Variants in EHMT1 observed in about 807,000 individuals in gnomAD.
EHMT1 encodes the protein histone-lysine N-methyltransferase EHMT1.
In EHMT1, 15 loss-of-function variants were observed where a neutral mutation model predicts 147.2. That is an observed-to-expected ratio of 0.10 (90% confidence interval 0.07 to 0.16). EHMT1 has a LOEUF of 0.16. Ranked by LOEUF, EHMT1 falls within the 10% of genes least tolerant of loss-of-function variation. The probability of loss-of-function intolerance (pLI) is 1.00; values close to 1 mark genes in which losing one functional copy is unlikely to be tolerated. For missense variants in EHMT1, 1,587 were observed against 1,772.4 expected (o/e 0.90, Z 1.88); for synonymous variants, 795 against 709.6 (o/e 1.12, Z -1.91).
At chr9:137,728,248 G>A (rs1946802775) in intron 3 of EHMT1, 101 bp from the exon 4 acceptor site, 2 of 1,505,102 alleles carry the variant, frequency 1.3e-6, no homozygotes, top group Middle Eastern at 1.7e-4. Flanking sequence ...TCTTTCGGTT[G>A]TGGGGAATTA....
intron 2 of EHMT1, among the ~76,000 whole-genome samples, chr9:137,713,844 T>C (rs531997115): frequency 4.7e-4 from 72 of 151,926 alleles, no homozygotes; most frequent in African/African-American, 1.7e-3. Context: ...CAGCTACTCA[T>C]GAGGCTGAGG....
In EHMT1 at chr9:137,732,698, G is replaced by A. The variant is rs975387494; in HGVS notation, c.823+4169G>A. ...GCAGCCCGGTTTTCAGGCTTCAGGC[G>A]GCCTTTGGCTTGAAGGTCAGGTTTC... On this transcript the variant is annotated intron_variant, in intron 4 of 26. Coordinates refer to ENST00000460843, the MANE Select transcript of EHMT1 (RefSeq NM_024757.5). The surrounding 1 kb of genome is among the most constrained non-coding windows in gnomAD (Gnocchi z 4.6). 6.6e-6 allele frequency among the ~76,000 whole-genome samples: 1 copy of A among 152,150 alleles called. No individual in the cohort carries two copies. Among genetic ancestry groups the A allele is most frequent in the East Asian group, 1.9e-4 (1 of 5,188 alleles).
chr9:137,752,275 T>G, intron 6 of EHMT1, 56 bp from the exon 7 acceptor site: 1 of 1,578,236 alleles, frequency 6.3e-7, no homozygotes, highest in Non-Finnish European at 8.7e-7. Context: ...CACTAAAGGA[T>G]GTAATTGGTT....
At chr9:137,653,755 C>T (rs932178966) in intron 1 of EHMT1, among the ~76,000 whole-genome samples, 7 of 151,968 alleles carry the variant, frequency 4.6e-5, no homozygotes, top group African/African-American at 7.2e-5. Context: ...CTTGAACTCC[C>T]GACCCTGATC....
At chr9:137,760,597 G>C (rs1949727225) in intron 9 of EHMT1, among the ~76,000 whole-genome samples, 1 of 152,194 alleles carries the variant, frequency 6.6e-6, no homozygotes, top group Non-Finnish European at 1.5e-5. Flanking sequence ...GACCGTTCAC[G>C]TGCTTTTTGG....
rs530581828 is a variant in EHMT1, at chr9:137,794,527, G to A, written c.2505+3557G>A. ...CTGGGCGTGGTGGCACGTGCCTGTA[G>A]TCATAGCCCCTTGGGAGGCTGAGGC... is the stretch of plus-strand genomic sequence containing the variant. On this transcript the variant is annotated intron_variant, in intron 16 of 26. Coordinates refer to ENST00000460843, the MANE Select transcript of EHMT1 (RefSeq NM_024757.5). Among the ~76,000 whole-genome samples, 13 of 151,940 alleles carry A rather than the reference G, an allele frequency of 8.6e-5. No individual in the cohort carries two copies. In the South Asian group the frequency reaches 2.3e-3, roughly 27 times the overall value.
At chr9:137,737,505 A>G (rs1303121313) in intron 4 of EHMT1, among the ~76,000 whole-genome samples, 1 of 152,222 alleles carries the variant, frequency 6.6e-6, no homozygotes, top group Non-Finnish European at 1.5e-5. Flanking sequence ...TGCAGAAGTT[A>G]GCCTAAGACA....
intron 1 of EHMT1, among the ~76,000 whole-genome samples, chr9:137,680,608 T>C (rs1470541618): frequency 6.6e-6 from 1 of 152,262 alleles, no homozygotes; most frequent in Non-Finnish European, 1.5e-5. Flanking sequence ...TTTTCATCAG[T>C]ACTGTTTGTC....
rs750510906 is a variant in EHMT1, at chr9:137,834,821, C to G, written c.3765C>G (p.Ser1255Arg). Residue 1255 changes from serine to arginine, a missense_variant, in exon 27 of 27, where the codon AGC becomes AGG. Physicochemically the swap from Ser to Arg is moderately radical, Grantham distance 110 (BLOSUM62 -1). Coordinates refer to ENST00000460843, the MANE Select transcript of EHMT1 (RefSeq NM_024757.5). ...RFWDIKGKLFSCRCGSPKCRH... is the reference protein window; with the variant it reads ...RFWDIKGKLFRCRCGSPKCRH... Reference sequence around the variant, plus strand: ...GGGACATCAAAGGCAAGCTCTTCAGCTGCCGCTGCGGCTCCCCCAAGTGCC... The same window carrying G: ...GGGACATCAAAGGCAAGCTCTTCAGGTGCCGCTGCGGCTCCCCCAAGTGCC... 14 of 1,612,614 alleles carry G rather than the reference C, an allele frequency of 8.7e-6. No individual in the cohort carries two copies. Among genetic ancestry groups the G allele is most frequent in the Middle Eastern group, 1.7e-4 (1 of 5,956 alleles).
At chr9:137,701,625 A>ATTTTTTTT (rs139537570) in intron 1 of EHMT1, among the ~76,000 whole-genome samples, 2 of 115,660 alleles carry the variant, frequency 1.7e-5, no homozygotes, top group African/African-American at 7.1e-5. Flanking sequence ...TGCCTGGCTA[A>ATTTTTTTT]TTTTTTTTTT....
intron 1 of EHMT1, among the ~76,000 whole-genome samples, chr9:137,694,936 C>T (rs896978796): frequency 2.0e-5 from 3 of 152,312 alleles, no homozygotes; most frequent in South Asian, 4.1e-4. Context: ...GCGGTAAGAA[C>T]GGCAAGTAGC....
chr9:137,748,681 C>T (rs1219608895), intron 6 of EHMT1, among the ~76,000 whole-genome samples: 1 of 152,238 alleles, frequency 6.6e-6, no homozygotes, highest in Non-Finnish European at 1.5e-5. Context: ...GTTTAATTTG[C>T]ATTTTCATGA....
intron 4 of EHMT1, among the ~76,000 whole-genome samples, chr9:137,729,213 G>C (rs961022521): frequency 6.6e-6 from 1 of 152,202 alleles, no homozygotes; most frequent in Non-Finnish European, 1.5e-5. Flanking sequence ...GCCGGCCCTC[G>C]TGAATGCTGC....
intron 15 of EHMT1, among the ~76,000 whole-genome samples, chr9:137,790,482 C>T (rs904450870): frequency 2.6e-5 from 4 of 152,148 alleles, no homozygotes; most frequent in African/African-American, 9.7e-5. Flanking sequence ...CAGGGTGAAC[C>T]GGCACCTCCC....
At chr9:137,802,994 G>T in intron 18 of EHMT1, 1 of 1,231,926 alleles carries the variant, frequency 8.1e-7, no homozygotes, top group Non-Finnish European at 1.0e-6. Context: ...AGAGAACAAG[G>T]CAGAGGCCAC....
rs575480658 is a variant in EHMT1 at position 137,625,955 on chromosome 9, A to G, written c.21+6906A>G. On this transcript the variant is annotated intron_variant, in intron 1 of 26. Transcript: ENST00000460843. ...ACTGCAACCTCTGCCTCCCGGGTTC[A>G]AGTGATTCTCCTGCCTCAGCCTCTC... 3.9e-3 allele frequency among the ~76,000 whole-genome samples: 584 copies of G among 151,112 alleles called. 5 individuals are homozygous for G. Among genetic ancestry groups the G allele is most frequent in the Non-Finnish European group, 4.5e-3 (304 of 67,874 alleles).
At chr9:137,797,036 C>G (rs1488976525) in intron 16 of EHMT1, among the ~76,000 whole-genome samples, 1 of 151,958 alleles carries the variant, frequency 6.6e-6, no homozygotes, top group East Asian at 1.9e-4. Flanking sequence ...GTAAAAACAT[C>G]ATTTATGGAT....
intron 25 of EHMT1, 95 bp from the exon 26 acceptor site, chr9:137,834,254 G>A: frequency 6.6e-7 from 1 of 1,526,640 alleles, no homozygotes; most frequent in Admixed American, 1.9e-5. Context: ...GCGCCCAACT[G>A]CAGGCTCCGG....
At chr9:137,784,166 T>C (rs1347912433) in intron 15 of EHMT1, 2 of 1,551,272 alleles carry the variant, frequency 1.3e-6, no homozygotes, top group East Asian at 4.9e-5. Context: ...GGTGAGGACC[T>C]CGTGCTGTTC....
Sources: allele counts gnomAD v4.1 joint callset (sites outside exome capture counted in the v4.1 genomes callset), GRCh38; gene constraint gnomAD v4.1.1; non-coding constraint Gnocchi (gnomAD v3.1); transcripts MANE v1.5; gene names NCBI Gene and HGNC (gene_info 2026-07-23, HGNC 2026-07-21).